Variants in TMEM132D observed in about 807,000 individuals in gnomAD.
TMEM132D encodes transmembrane protein 132D.
A neutral mutation model predicts 62.3 loss-of-function variants in TMEM132D; 21 were observed. The observed-to-expected ratio is 0.34, with a 90% confidence interval of 0.24 to 0.49. The LOEUF (loss-of-function observed/expected upper bound fraction) is 0.49, where lower values mean the gene tolerates loss of function less well. Among genes scored for constraint, TMEM132D ranks in the 20% least tolerant of loss-of-function variants. The pLI is 0.99. For synonymous variants in TMEM132D, 621 were observed against 575.6 expected (o/e 1.08, Z -1.13); for missense variants, 1,346 against 1,402.8 (o/e 0.96, Z 0.65).
chr12:129,076,612 G>T (rs763267745), intron 8 of TMEM132D, among the ~76,000 whole-genome samples: 1 of 152,222 alleles, frequency 6.6e-6, no homozygotes, highest in African/African-American at 2.4e-5. Flanking sequence ...CCAAGGCACA[G>T]TGCAAAAGCT....
At chr12:129,312,060 G>A (rs1881989179) in intron 4 of TMEM132D, among the ~76,000 whole-genome samples, 1 of 152,184 alleles carries the variant, frequency 6.6e-6, no homozygotes, top group Non-Finnish European at 1.5e-5. Flanking sequence ...TAGAGGGAAT[G>A]GACCAGGTAG....
intron 1 of TMEM132D, among the ~76,000 whole-genome samples, chr12:129,849,428 G>A (rs2137351305): frequency 6.6e-6 from 1 of 152,210 alleles, no homozygotes; most frequent in East Asian, 1.9e-4. Context: ...GAAAATAAAA[G>A]CCTTGAGATG....
Position 129,190,994 on chromosome 12 carries a change from G to C in TMEM132D, c.1443+18526C>G, listed in dbSNP as rs541491567. 4.6e-5 allele frequency among the ~76,000 whole-genome samples: 7 copies of C among 151,972 alleles called. No homozygotes were observed. The East Asian group carries it at 1.4e-3, about 30-fold the overall frequency. On this transcript the variant is annotated intron_variant, in intron 5 of 8. Transcript: ENST00000422113. ...TGTGGCCTGTGGTCTCCAGCAAGCT[G>C]TTTCCCCTCCTTCCAGACCCGGCTC...
intron 2 of TMEM132D, among the ~76,000 whole-genome samples, chr12:129,583,434 T>A (rs1374492029): frequency 1.3e-5 from 2 of 152,216 alleles, no homozygotes; most frequent in Non-Finnish European, 2.9e-5. Context: ...CAGAAATCTG[T>A]GCATTTGTCA....
At chr12:129,872,584 G>A (rs982150678) in intron 1 of TMEM132D, among the ~76,000 whole-genome samples, 3 of 152,218 alleles carry the variant, frequency 2.0e-5, no homozygotes, top group Admixed American at 2.0e-4. Context: ...AAACAAACAC[G>A]AAGGATGCTG....
chr12:129,646,030 C>T (rs993753158), intron 2 of TMEM132D, among the ~76,000 whole-genome samples: 2 of 152,186 alleles, frequency 1.3e-5, no homozygotes, highest in Non-Finnish European at 2.9e-5. Context: ...AGCAGCGTAT[C>T]GGGGTGCTCT....
At chr12:129,405,116 A>G (rs933970501) in intron 3 of TMEM132D, among the ~76,000 whole-genome samples, 23 of 152,176 alleles carry the variant, frequency 1.5e-4, no homozygotes, top group African/African-American at 5.3e-4. Flanking sequence ...ATAACAAAAT[A>G]CCAGAGGCTC....
intron 3 of TMEM132D, among the ~76,000 whole-genome samples, chr12:129,359,973 T>G (rs1449836569): frequency 2.0e-5 from 3 of 151,412 alleles, no homozygotes; most frequent in Non-Finnish European, 4.4e-5. Flanking sequence ...AGCTAAATTA[T>G]AACTTGTTGC....
chr12:129,615,140 A>G (rs61943554), intron 2 of TMEM132D, among the ~76,000 whole-genome samples: 7,086 of 152,268 alleles, frequency 0.047, 260 homozygotes, highest in South Asian at 0.11. Context: ...ACAAACACAG[A>G]ACAGGGAAAT....
At position 129,265,017 on chromosome 12, in the gene TMEM132D, A is replaced by T. The variant is rs1880648219; in HGVS notation, c.1300-55354T>A. Among the ~76,000 whole-genome samples the T allele has an allele frequency of 2.6e-5, 4 of 152,262 alleles. No individual in the cohort carries two copies. In the South Asian group the frequency reaches 6.2e-4, roughly 24 times the overall value. ...AAAATCTCACAAATCACCACTAAAG[A>T]CTTACTCATGTAACCAAGGACCACC... On this transcript the variant is annotated intron_variant, in intron 4 of 8. Transcript: ENST00000422113.
intron 4 of TMEM132D, among the ~76,000 whole-genome samples, chr12:129,243,256 CTTTCG>C (rs1879983069): frequency 6.6e-6 from 1 of 152,142 alleles, no homozygotes; most frequent in Non-Finnish European, 1.5e-5. Context: ...ACTGAAAGCA[CTTTCG>C]TTTCATTATT....
In TMEM132D at chr12:129,311,927, T is replaced by C. The variant is rs1000806673; in HGVS notation, c.1299+25707A>G. On this transcript the variant is annotated intron_variant, in intron 4 of 8. Coordinates refer to ENST00000422113, the MANE Select transcript of TMEM132D (RefSeq NM_133448.3). The stretch of plus-strand genomic sequence containing the variant: ...TTGTGGGGACCAGGAAATGAAGGGG[T>C]CCTTGGGCCTCAGTAAGCACTTTGA... Among the ~76,000 whole-genome samples the C allele has an allele frequency of 2.6e-5, 4 of 152,024 alleles. No individual in the cohort carries two copies. The East Asian group carries it at 5.8e-4, about 22-fold the overall frequency.
chr12:129,445,440 C>A (rs1593011861), intron 3 of TMEM132D, among the ~76,000 whole-genome samples: 1 of 152,038 alleles, frequency 6.6e-6, no homozygotes, highest in African/African-American at 2.4e-5. Context: ...CACATGTACC[C>A]CTGAACTCAA....
chr12:129,492,545 G>A (rs1874827703), intron 3 of TMEM132D, among the ~76,000 whole-genome samples: 1 of 152,134 alleles, frequency 6.6e-6, no homozygotes, highest in African/African-American at 2.4e-5. Context: ...CTCCACCCAA[G>A]TGGAGTAATA....
intron 1 of TMEM132D, among the ~76,000 whole-genome samples, chr12:129,792,223 T>C (rs1312287158): frequency 6.6e-6 from 1 of 152,190 alleles, no homozygotes; most frequent in African/African-American, 2.4e-5. Context: ...TCCTTTTTAT[T>C]GCACTGGAGA....
At chr12:129,699,596 G>GA (rs1337332236) in intron 2 of TMEM132D, among the ~76,000 whole-genome samples, 3 of 152,222 alleles carry the variant, frequency 2.0e-5, no homozygotes, top group Non-Finnish European at 4.4e-5. Flanking sequence ...CAATGGCTTG[G>GA]AAAATCTATT....
chr12:129,507,097 T>A lies in TMEM132D; in HGVS notation c.1115+23962A>T, dbSNP rs188912389. On this transcript the variant is annotated intron_variant, in intron 3 of 8. Coordinates refer to ENST00000422113, the MANE Select transcript of TMEM132D (RefSeq NM_133448.3). ...AAGATATATAGATGGCCAACAAACATATGAAAAAATGCTCAACATCACAAA... is the reference window on the plus strand; with the variant it reads ...AAGATATATAGATGGCCAACAAACAAATGAAAAAATGCTCAACATCACAAA... 2.3e-4 allele frequency among the ~76,000 whole-genome samples: 35 copies of A among 151,986 alleles called. No homozygotes were observed. The East Asian group carries it at 6.2e-3, about 27-fold the overall frequency.
chr12:129,493,086 A>G (rs944546994), intron 3 of TMEM132D, among the ~76,000 whole-genome samples: 1 of 152,168 alleles, frequency 6.6e-6, no homozygotes, highest in Non-Finnish European at 1.5e-5. Flanking sequence ...GCTGTACTTG[A>G]AGGTCAACAT....
At chr12:129,812,540 C>T (rs1239845793) in intron 1 of TMEM132D, among the ~76,000 whole-genome samples, 2 of 151,832 alleles carry the variant, frequency 1.3e-5, no homozygotes, top group Non-Finnish European at 2.9e-5. Flanking sequence ...GTCTTCAAAA[C>T]TTTCCAATCT....
Sources: allele counts gnomAD v4.1 joint callset (sites outside exome capture counted in the v4.1 genomes callset), GRCh38; gene constraint gnomAD v4.1.1; transcripts MANE v1.5; gene names NCBI Gene and HGNC (gene_info 2026-07-23, HGNC 2026-07-21).